The following TUBB4A variants were observed in gnomAD, a reference collection of about 807,000 sequenced individuals.
TUBB4A encodes tubulin beta 4A class IVa.
Under a neutral mutation model 35.1 loss-of-function variants are expected in TUBB4A, and 13 were observed. The observed-to-expected ratio is 0.37, with a 90% CI of 0.24 to 0.59. The LOEUF is 0.59. Among genes scored for constraint, TUBB4A ranks in the 20% least tolerant of loss-of-function variants. TUBB4A has a pLI of 0.71. For missense variants in TUBB4A, 299 were observed against 647.2 expected (o/e 0.46, Z 5.84); for synonymous variants, 279 against 272.4 (o/e 1.02, Z -0.24).
At chr19:6,499,033 T>C (rs1914406093) in intron 3 of TUBB4A, among the ~76,000 whole-genome samples, 1 of 151,980 alleles carries the variant, frequency 6.6e-6, no homozygotes, top group Non-Finnish European at 1.5e-5. Context: ...GCATTAAAAG[T>C]GTGGGCTCAG....
In TUBB4A at chr19:6,501,417, G is replaced by A. The variant is rs759696002; in HGVS notation, c.167-20C>T. 2.5e-6 allele frequency: 4 copies of A among 1,610,292 alleles called. No homozygotes were observed. The African/African-American group carries it at 5.3e-5, about 22-fold the overall frequency. On this transcript the variant is annotated intron_variant, in intron 2 of 3. Transcript: ENST00000264071. This position sits in a 1 kb window ranked among gnomAD's most constrained non-coding sequence, Gnocchi z 4.2. The stretch of plus-strand genomic sequence containing the variant: ...TTCCTCCTGCAGGGAAACAGATGGA[G>A]GGCAGTTCGATGCGTGCCAGGAACC...
At chr19:6,502,045 G>T in intron 1 of TUBB4A, 111 bp downstream of exon 1, 1 of 1,240,558 alleles carries the variant, frequency 8.1e-7, no homozygotes, top group Non-Finnish European at 1.1e-6. Context: ...CTGGCCTCCT[G>T]GGGACCTCAT....
chr19:6,502,833 C>T (rs1914605419), upstream of TUBB4A: 1 of 152,332 alleles, frequency 6.6e-6, no homozygotes, highest in African/African-American at 2.4e-5. Flanking sequence ...GAGGGCTTGT[C>T]CTGAAGCTGC....
At position 6,501,461 on chromosome 19, in the gene TUBB4A, C is replaced by T; in HGVS notation, c.166+54G>A. On this transcript the variant is annotated intron_variant, in intron 2 of 3. Transcript: ENST00000264071. The surrounding 1 kb of genome is among the most constrained non-coding windows in gnomAD (Gnocchi z 4.2). ...AGGAACCACAGGCGCCCGGTAGCAT[C>T]CTGTTCCCTCCCAGCTGCCCCTTCC... The T allele has an allele frequency of 2.5e-6, 4 of 1,605,590 alleles. No individual in the cohort carries two copies. The highest frequency in any genetic ancestry group is 2.6e-6 in the Non-Finnish European group (3 of 1,173,800).
chr19:6,495,965 C>G lies in TUBB4A; in HGVS notation c.534G>C (p.Thr178=). The change falls in exon 4 of 4, where the codon ACG becomes ACC. Residue 178 remains threonine, a synonymous_variant. Transcript: ENST00000264071. The surrounding 1 kb of genome is among the most constrained non-coding windows in gnomAD (Gnocchi z 8.7). ...GCGTGGCGTTGTAGGGCTCCACCAC[C>G]GTGTCTGACACTTTGGGCGAGGGCA... ...SVVPSPKVSD[T]VVEPYNATLS... 1 of 1,614,200 alleles carries G rather than the reference C, an allele frequency of 6.2e-7. No homozygotes were observed. The highest frequency in any genetic ancestry group is 8.5e-7 in the Non-Finnish European group (1 of 1,180,042).
chr19:6,502,204 C>A lies in TUBB4A; in HGVS notation c.9G>T (p.Glu3Asp). 1 of 1,567,378 alleles carries A rather than the reference C, an allele frequency of 6.4e-7. No homozygotes were observed. The highest frequency in any genetic ancestry group is 8.6e-7 in the Non-Finnish European group (1 of 1,165,032). Residue 3 changes from glutamate to aspartate, a missense_variant, in exon 1 of 4, where the codon GAG (glutamate) becomes GAT (aspartate). Transcript: ENST00000264071. Reference sequence around the variant, plus strand: ...ACTGGCCGGCCTGCAGGTGCACGATCTCCCGCATGGCGGTGGCGCTGAGGG... The same window carrying A: ...ACTGGCCGGCCTGCAGGTGCACGATATCCCGCATGGCGGTGGCGCTGAGGG... MR[E>D]IVHLQAGQCG...
intron 3 of TUBB4A, among the ~76,000 whole-genome samples, chr19:6,499,494 C>G (rs548952995): frequency 1.3e-5 from 2 of 152,170 alleles, no homozygotes; most frequent in Non-Finnish European, 2.9e-5. Context: ...GCATTTAGCA[C>G]GTCTTACATG....
chr19:6,501,625 TAG>T lies in TUBB4A; in HGVS notation c.58-4_58-3del, dbSNP rs967253651. 8 of 1,612,278 alleles carry T rather than the reference TAG, an allele frequency of 5.0e-6. No homozygotes were observed. Among genetic ancestry groups the T allele is most frequent in the South Asian group, 1.1e-5 (1 of 90,968 alleles). On this transcript the variant is annotated splice_polypyrimidine_tract_variant and splice_region_variant and intron_variant, in intron 1 of 3. Transcript: ENST00000264071. The surrounding 1 kb of genome is among the most constrained non-coding windows in gnomAD (Gnocchi z 4.2). ...TTCGTCACTGATAACCTCCCAAAAC[TAG>T]AGAGAGAGGTGGTCGGAAGAGTTGA...
chr19:6,501,999 A>C lies in TUBB4A; in HGVS notation c.57+157T>G, dbSNP rs1914556268. The stretch of plus-strand genomic sequence containing the variant: ...TTCCCAGTCTGGCCCTGCCACCCCC[A>C]CCCCGCGACCCTTCCCCCAAGGCCC... On this transcript the variant is annotated intron_variant, in intron 1 of 3. Coordinates refer to ENST00000264071, the MANE Select transcript of TUBB4A (RefSeq NM_006087.4). This position sits in a 1 kb window ranked among gnomAD's most constrained non-coding sequence, Gnocchi z 4.2. Among the ~76,000 whole-genome samples, 1 of 151,606 alleles carries C rather than the reference A, an allele frequency of 6.6e-6. No homozygotes were observed. The highest frequency in any genetic ancestry group is 6.6e-5 in the Admixed American group (1 of 15,236).
Position 6,502,142 on chromosome 19 carries a change from C to G in TUBB4A, c.57+14G>C. On this transcript the variant is annotated intron_variant, in intron 1 of 3. Coordinates refer to ENST00000264071, the MANE Select transcript of TUBB4A (RefSeq NM_006087.4). The stretch of plus-strand genomic sequence containing the variant: ...GGGCCGCCACTGCCTCCCCGGGCCC[C>G]GTTCCCCGAGCACCTTGGCCCCGAT... The G allele has an allele frequency of 6.4e-7, 1 of 1,561,096 alleles. No homozygotes were observed. Among genetic ancestry groups the G allele is most frequent in the Non-Finnish European group, 8.6e-7 (1 of 1,162,202 alleles).
intron 3 of TUBB4A, among the ~76,000 whole-genome samples, chr19:6,496,617 C>T (rs1042328507): frequency 4.1e-5 from 6 of 146,544 alleles, no homozygotes; most frequent in African/African-American, 1.0e-4. Flanking sequence ...GGCAACAGAG[C>T]GAGACTCCGT....
At position 6,494,641 on chromosome 19, in the gene TUBB4A, G is replaced by A. The variant is rs1448470089; in HGVS notation, c.*523C>T. 4 of 172,090 alleles carry A rather than the reference G, an allele frequency of 2.3e-5. No homozygotes were observed. Among genetic ancestry groups the A allele is most frequent in the South Asian group, 1.3e-4 (1 of 7,656 alleles). 10.7% of individuals were successfully genotyped at this position (172,090 alleles called of 1,614,324 possible). A position where few individuals can be genotyped will look rare whatever the true frequency, so the allele number is the denominator to read the frequency against. Reference sequence around the variant, plus strand: ...GTGTAGAAGTAAAATGGGACTCATAGAGGGTGAAAGAGAAGTTGGAGTCAG... The same window carrying A: ...GTGTAGAAGTAAAATGGGACTCATAAAGGGTGAAAGAGAAGTTGGAGTCAG... On this transcript the variant is annotated 3_prime_UTR_variant, in exon 4 of 4. Coordinates refer to ENST00000264071, the MANE Select transcript of TUBB4A (RefSeq NM_006087.4).
At chr19:6,499,843 G>A (rs1407173659) in intron 3 of TUBB4A, among the ~76,000 whole-genome samples, 5 of 149,450 alleles carry the variant, frequency 3.3e-5, no homozygotes, top group Non-Finnish European at 7.4e-5. Flanking sequence ...TGTTGCCCAC[G>A]CTGGGGTGCA....
chr19:6,502,132 C>T (rs1184001788), intron 1 of TUBB4A, 24 bp downstream of exon 1: 3 of 1,550,448 alleles, frequency 1.9e-6, no homozygotes, highest in Non-Finnish European at 2.6e-6. Flanking sequence ...GCCACTGCCT[C>T]CCCGGGCCCC....
Position 6,501,103 on chromosome 19 carries a change from C to CCCT in TUBB4A, c.277+181_277+183dup. 1 of 569,752 alleles carries CCCT rather than the reference C, an allele frequency of 1.8e-6. No individual in the cohort carries two copies. Among genetic ancestry groups the CCCT allele is most frequent in the Non-Finnish European group, 3.1e-6 (1 of 321,456 alleles). 35.3% of individuals were successfully genotyped at this position (569,752 alleles called of 1,614,324 possible). A position where few individuals can be genotyped will look rare whatever the true frequency, so the allele number is the denominator to read the frequency against. On this transcript the variant is annotated intron_variant, in intron 3 of 3. Transcript: ENST00000264071. This position sits in a 1 kb window ranked among gnomAD's most constrained non-coding sequence, Gnocchi z 4.2. Reference sequence around the variant, plus strand: ...TTCCCTGAATCCTTCTCTGTATCCGCCCTCCTCAGGGCTCTCACAGTGGCC... The same window carrying CCCT: ...TTCCCTGAATCCTTCTCTGTATCCGCCCTCCTCCTCAGGGCTCTCACAGTGGCC...
At position 6,502,043 on chromosome 19, in the gene TUBB4A, C is replaced by T. The variant is rs1334511504; in HGVS notation, c.57+113G>A. ...AAGGCCCCTGGGGCGCGCTGGCCTC[C>T]TGGGGACCTCATTCCTTTCCAAAGA... is the stretch of plus-strand genomic sequence containing the variant. On this transcript the variant is annotated intron_variant, in intron 1 of 3. Coordinates refer to ENST00000264071, the MANE Select transcript of TUBB4A (RefSeq NM_006087.4). 8 of 1,238,550 alleles carry T rather than the reference C, an allele frequency of 6.5e-6. No homozygotes were observed. The African/African-American group carries it at 9.4e-5, about 15-fold the overall frequency. The allele number at this position is 1,238,550 out of a possible 1,614,324, so 76.7% of individuals were successfully genotyped here.
Position 6,501,052 on chromosome 19 carries a change from TA to T in TUBB4A, c.277+234del. The T allele has an allele frequency of 1.9e-6, 1 of 513,018 alleles. No individual in the cohort carries two copies. The highest frequency in any genetic ancestry group is 3.5e-6 in the Non-Finnish European group (1 of 289,350). The allele number at this position is 513,018 out of a possible 1,614,324, so 31.8% of individuals were successfully genotyped here. ...CTGGTTCCGGTTCAGACCGTTGAATTAAAATGCCACCTCCTCCAGGAAGACT... is the reference window on the plus strand; with the variant it reads ...CTGGTTCCGGTTCAGACCGTTGAATTAAATGCCACCTCCTCCAGGAAGACT... On this transcript the variant is annotated intron_variant, in intron 3 of 3. Transcript: ENST00000264071. The surrounding 1 kb of genome is among the most constrained non-coding windows in gnomAD (Gnocchi z 4.2).
In TUBB4A at chr19:6,496,015, G is replaced by A. The variant is rs1196637862; in HGVS notation, c.484C>T (p.Arg162Cys). ...ISKIREEFPD[R>C]IMNTFSVVPS... ...ACCACGCTGAAGGTGTTCATGATGC[G>A]GTCTGGGAACTCCTCGCGGATCTTA... Residue 162 changes from arginine (R) to cysteine (C), a missense_variant, in exon 4 of 4, where the codon CGC (arginine) becomes TGC (cysteine). Transcript: ENST00000264071. 5.0e-6 allele frequency: 8 copies of A among 1,614,066 alleles called. No homozygotes were observed. Among genetic ancestry groups the A allele is most frequent in the South Asian group, 2.2e-5 (2 of 91,086 alleles).
rs1416082643 is a variant in TUBB4A at position 6,501,947 on chromosome 19, T to G, written c.57+209A>C. On this transcript the variant is annotated intron_variant, in intron 1 of 3. Coordinates refer to ENST00000264071, the MANE Select transcript of TUBB4A (RefSeq NM_006087.4). This position sits in a 1 kb window ranked among gnomAD's most constrained non-coding sequence, Gnocchi z 4.2. ...CAGCTGTGACAGGCGGACAGAAGGC[T>G]GGCTCCCACTCTCCGCAGCCTCTTT... Among the ~76,000 whole-genome samples the G allele has an allele frequency of 6.6e-6, 1 of 152,140 alleles. No individual in the cohort carries two copies. The highest frequency in any genetic ancestry group is 1.5e-5 in the Non-Finnish European group (1 of 67,982).
Sources: allele counts gnomAD v4.1 joint callset (sites outside exome capture counted in the v4.1 genomes callset), GRCh38; gene constraint gnomAD v4.1.1; non-coding constraint Gnocchi (gnomAD v3.1); transcripts MANE v1.5; gene names NCBI Gene and HGNC (gene_info 2026-07-23, HGNC 2026-07-21).